Variants in MAP2K5 observed in about 807,000 individuals in gnomAD.
MAP2K5 encodes the protein mitogen-activated protein kinase kinase 5, also known as dual specificity mitogen-activated protein kinase kinase 5.
A neutral mutation model predicts 83.1 loss-of-function variants in MAP2K5; 49 were observed. The observed-to-expected ratio is 0.59, with a 90% CI of 0.47 to 0.75. The LOEUF (loss-of-function observed/expected upper bound fraction) is 0.75, where lower values mean the gene tolerates loss of function less well. MAP2K5 is among the 30% of genes least tolerant of loss of function. The pLI is 0.00. For missense variants in MAP2K5, 457 were observed against 557.5 expected (o/e 0.82, Z 1.82); for synonymous variants, 202 against 191.8 (o/e 1.05, Z -0.44).
At chr15:67,553,775 C>T (rs111790167) in intron 2 of MAP2K5, among the ~76,000 whole-genome samples, 45 of 150,772 alleles carry the variant, frequency 3.0e-4, no homozygotes, top group African/African-American at 6.1e-4. Context: ...TAGCCGGGCG[C>T]GGTGGCGGGC....
At position 67,769,331 on chromosome 15, in the gene MAP2K5, T is replaced by G. The variant is rs1229272258; in HGVS notation, c.1135-271T>G. On this transcript the variant is annotated intron_variant, in intron 19 of 21. Transcript: ENST00000178640. The surrounding 1 kb of genome is among the most constrained non-coding windows in gnomAD (Gnocchi z 5.2). ...TTTCTCATTTACACTTTCCCTACCT[T>G]CTCTCCTACCCTGTGGCTATCATTG... Among the ~76,000 whole-genome samples the G allele has an allele frequency of 6.6e-6, 1 of 152,220 alleles. No individual in the cohort carries two copies. The highest frequency in any genetic ancestry group is 1.5e-5 in the Non-Finnish European group (1 of 68,044).
At chr15:67,551,562 G>A (rs1341159000) in intron 2 of MAP2K5, among the ~76,000 whole-genome samples, 1 of 152,120 alleles carries the variant, frequency 6.6e-6, no homozygotes, top group Admixed American at 6.6e-5. Flanking sequence ...TGAACTCCTT[G>A]CCTCAAGTGA....
Position 67,668,717 on chromosome 15 carries a change from T to TA in MAP2K5, c.847+4078dup, listed in dbSNP as rs962199891. On this transcript the variant is annotated intron_variant, in intron 13 of 21. Transcript: ENST00000178640. This position sits in a 1 kb window ranked among gnomAD's most constrained non-coding sequence, Gnocchi z 4.0. ...TAACTGCTGTCTCTTTCCCTGAGGATAAAAAATAGAAATGCAAGGGTAATG... is the reference window on the plus strand; with the variant it reads ...TAACTGCTGTCTCTTTCCCTGAGGATAAAAAAATAGAAATGCAAGGGTAATG... Among the ~76,000 whole-genome samples the TA allele has an allele frequency of 2.0e-5, 3 of 151,770 alleles. No homozygotes were observed. The highest frequency in any genetic ancestry group is 7.3e-5 in the African/African-American group (3 of 41,264).
At chr15:67,737,689 T>C (rs190055654) in intron 17 of MAP2K5, among the ~76,000 whole-genome samples, 139 of 152,058 alleles carry the variant, frequency 9.1e-4, no homozygotes, top group African/African-American at 3.2e-3. Context: ...AGTTGTCTGT[T>C]TATGCACAGA....
chr15:67,594,822 C>A (rs1275374814), intron 7 of MAP2K5, among the ~76,000 whole-genome samples: 1 of 151,668 alleles, frequency 6.6e-6, no homozygotes, highest in Non-Finnish European at 1.5e-5. Context: ...CCTCAAAAAC[C>A]AAAAAAACCC....
chr15:67,628,862 C>A, intron 8 of MAP2K5: 1 of 748,340 alleles, frequency 1.3e-6, no homozygotes, highest in Non-Finnish European at 2.4e-6. Flanking sequence ...TGATGGCAGC[C>A]GTGGTGATGG....
chr15:67,732,929 C>T (rs1329365514), intron 17 of MAP2K5, among the ~76,000 whole-genome samples: 1 of 152,084 alleles, frequency 6.6e-6, no homozygotes, highest in African/African-American at 2.4e-5. Flanking sequence ...TGTGAATCTC[C>T]ACGACTTGTA....
At position 67,594,876 on chromosome 15, in the gene MAP2K5, C is replaced by T. The variant is rs2085492226; in HGVS notation, c.480+1902C>T. Among the ~76,000 whole-genome samples, 3 of 152,118 alleles carry T rather than the reference C, an allele frequency of 2.0e-5. No homozygotes were observed. In the South Asian group the frequency reaches 6.2e-4, roughly 32 times the overall value. On this transcript the variant is annotated intron_variant, in intron 7 of 21. Coordinates refer to ENST00000178640, the MANE Select transcript of MAP2K5 (RefSeq NM_145160.3). ...AATGTCTCCTTCTAATTCCTTAATT[C>T]CTCAGTGCTATAGGATAACTAAACA...
At chr15:67,553,414 A>AT (rs1289686962) in intron 2 of MAP2K5, among the ~76,000 whole-genome samples, 4 of 152,230 alleles carry the variant, frequency 2.6e-5, no homozygotes, top group Non-Finnish European at 5.9e-5. Flanking sequence ...GCCCATCTTC[A>AT]TGTGGGCCAG....
intron 8 of MAP2K5, among the ~76,000 whole-genome samples, chr15:67,606,302 A>G (rs1434714768): frequency 6.6e-6 from 1 of 152,224 alleles, no homozygotes; most frequent in African/African-American, 2.4e-5. Flanking sequence ...CTTTGGGGCC[A>G]GATAATCTAG....
intron 1 of MAP2K5, 67 bp from the exon 2 acceptor site, chr15:67,549,967 A>G (rs1297971373): frequency 4.4e-6 from 5 of 1,148,120 alleles, no homozygotes; most frequent in Non-Finnish European, 1.3e-6. Context: ...TATTTCCTGT[A>G]GGATTTGCCA....
chr15:67,628,372 C>G, intron 8 of MAP2K5: 1 of 521,524 alleles, frequency 1.9e-6, no homozygotes, highest in East Asian at 3.4e-5. Flanking sequence ...CCCAGCTACT[C>G]GGGAGGCTGA....
rs530629058 is a variant in MAP2K5 at position 67,782,972 on chromosome 15, C to T, written c.1242+10220C>T. Among the ~76,000 whole-genome samples, 6 of 152,204 alleles carry T rather than the reference C, an allele frequency of 3.9e-5. No homozygotes were observed. The highest frequency in any genetic ancestry group is 1.9e-4 in the East Asian group (1 of 5,192). On this transcript the variant is annotated intron_variant, in intron 21 of 21. Transcript: ENST00000178640. This position sits in a 1 kb window ranked among gnomAD's most constrained non-coding sequence, Gnocchi z 4.9. Reference sequence around the variant, plus strand: ...ATCATCTGGAAAGTGGGTTAAGCACCGAAGGAAGGTGTAAGGATGGCTTTT... The same window carrying T: ...ATCATCTGGAAAGTGGGTTAAGCACTGAAGGAAGGTGTAAGGATGGCTTTT...
chr15:67,622,614 G>A (rs1439020453), intron 8 of MAP2K5, among the ~76,000 whole-genome samples: 1 of 151,710 alleles, frequency 6.6e-6, no homozygotes, highest in Admixed American at 6.6e-5. Flanking sequence ...GAAGTGAGGA[G>A]CACCTACCAT....
intron 17 of MAP2K5, among the ~76,000 whole-genome samples, chr15:67,741,211 G>T (rs1313168829): frequency 1.3e-5 from 2 of 152,094 alleles, no homozygotes; most frequent in East Asian, 3.9e-4. Context: ...GGTGACTGTG[G>T]TGGTGGAGAA....
Position 67,772,726 on chromosome 15 carries a change from GA to G in MAP2K5, c.1219del (p.Arg407GlyfsTer7). 6.2e-7 allele frequency: 1 copy of G among 1,603,990 alleles called. No homozygotes were observed. Among genetic ancestry groups the G allele is most frequent in the Non-Finnish European group, 8.5e-7 (1 of 1,175,218 alleles). On this transcript the variant is annotated frameshift_variant, in exon 21 of 22. Transcript: ENST00000178640. LOFTEE classifies it high-confidence loss of function. ...ITQCMRKQPK[E>X]RPAPEELMGH... ...CTATAGTATGCGAAAACAGCCAAAA[GA>G]AAGGCCAGCACCTGAAGAATTGATG...
rs1179860890 is a variant in MAP2K5, at chr15:67,690,272, A to G, written c.848-2207A>G. ...TTTGTTTCAGTTCAGCAAACATTTAAGTGTCTACTGTGGCTATGATGTGTT... is the reference window on the plus strand; with the variant it reads ...TTTGTTTCAGTTCAGCAAACATTTAGGTGTCTACTGTGGCTATGATGTGTT... On this transcript the variant is annotated intron_variant, in intron 13 of 21. Coordinates refer to ENST00000178640, the MANE Select transcript of MAP2K5 (RefSeq NM_145160.3). This position sits in a 1 kb window ranked among gnomAD's most constrained non-coding sequence, Gnocchi z 4.3. 6.6e-6 allele frequency among the ~76,000 whole-genome samples: 1 copy of G among 152,196 alleles called. No individual in the cohort carries two copies. The highest frequency in any genetic ancestry group is 2.4e-5 in the African/African-American group (1 of 41,450).
intron 5 of MAP2K5, 91 bp from the exon 6 acceptor site, chr15:67,586,755 A>G: frequency 8.6e-7 from 1 of 1,163,416 alleles, no homozygotes; most frequent in South Asian, 1.2e-5. Flanking sequence ...TAACCTTCAT[A>G]GTGAAATGAG....
chr15:67,705,147 A>G (rs570871826), intron 16 of MAP2K5, among the ~76,000 whole-genome samples: 1 of 152,268 alleles, frequency 6.6e-6, no homozygotes, highest in Non-Finnish European at 1.5e-5. Context: ...AAAATGACAT[A>G]AAATGCAGAG....
Sources: gnomAD v4.1 joint callset for allele counts (sites outside exome capture counted in the v4.1 genomes callset) on GRCh38, gnomAD v4.1.1 for gene constraint, Gnocchi (gnomAD v3.1) non-coding constraint, MANE v1.5 for transcripts, NCBI Gene and HGNC (gene_info 2026-07-23, HGNC 2026-07-21) for gene names.